The following MIPOL1 variants were observed in gnomAD, a reference collection of about 807,000 sequenced individuals.
The protein encoded by MIPOL1 is mirror-image polydactyly gene 1 protein.
MIPOL1 carries 57 observed loss-of-function variants against 60.9 expected under a neutral mutation model. The ratio of observed to expected loss-of-function variants is 0.94; its 90% CI spans 0.76 to 1.17. The LOEUF (loss-of-function observed/expected upper bound fraction) is 1.17, where lower values mean the gene tolerates loss of function less well. Ranked by LOEUF, MIPOL1 falls within the 50% of genes most tolerant of loss-of-function variation. The pLI is 0.00. For missense variants in MIPOL1, 551 were observed against 511.6 expected, an observed-to-expected ratio of 1.08 and a Z score of -0.74; for synonymous variants, 179 against 168.8, an observed-to-expected ratio of 1.06 and a Z score of -0.47.
chr14:37,264,247 AG>A (rs2082707345), intron 3 of MIPOL1, among the ~76,000 whole-genome samples: 1 of 152,138 alleles, frequency 6.6e-6, no homozygotes, highest in Non-Finnish European at 1.5e-5. Context: ...GCAAAATGCA[AG>A]ATGATAGAGC....
intron 9 of MIPOL1, among the ~76,000 whole-genome samples, chr14:37,343,776 C>T (rs1014719610): frequency 2.6e-5 from 4 of 152,120 alleles, no homozygotes; most frequent in East Asian, 1.9e-4. Context: ...AAGGAAATTG[C>T]AGATCATATA....
Position 37,464,128 on chromosome 14 carries a change from A to G in MIPOL1, c.1032-35780A>G, listed in dbSNP as rs1404945387. Among the ~76,000 whole-genome samples, 3 of 152,222 alleles carry G rather than the reference A, an allele frequency of 2.0e-5. No homozygotes were observed. The East Asian group carries it at 5.8e-4, about 29-fold the overall frequency. On this transcript the variant is annotated intron_variant, in intron 11 of 12. Coordinates refer to ENST00000684589, the MANE Select transcript of MIPOL1 (RefSeq NM_001388067.1). ...AACAAAGATGGTAGCAAAGATGTGG[A>G]GGAAAGGAACCACTATACACTTTTC...
intron 10 of MIPOL1, among the ~76,000 whole-genome samples, chr14:37,394,417 G>A (rs1025735804): frequency 2.6e-5 from 4 of 151,680 alleles, no homozygotes; most frequent in South Asian, 2.1e-4. Context: ...CATCCATACC[G>A]TCATCTACTG....
At chr14:37,474,981 T>A (rs901295619) in intron 11 of MIPOL1, among the ~76,000 whole-genome samples, 3 of 152,086 alleles carry the variant, frequency 2.0e-5, no homozygotes, top group Non-Finnish European at 2.9e-5. Flanking sequence ...TTTTATTTTT[T>A]TTTGAGACAG....
At chr14:37,299,667 G>C (rs2086191131) in intron 7 of MIPOL1, among the ~76,000 whole-genome samples, 1 of 152,150 alleles carries the variant, frequency 6.6e-6, no homozygotes, top group Non-Finnish European at 1.5e-5. Context: ...CATACAGATA[G>C]TTGCTGCATA....
chr14:37,247,741 G>A (rs1973406384), intron 2 of MIPOL1, 88 bp from the exon 3 acceptor site: 2 of 656,474 alleles, frequency 3.0e-6, no homozygotes, highest in Admixed American at 6.2e-5. Flanking sequence ...CATTTATCCT[G>A]TAAATTCTCT....
intron 11 of MIPOL1, among the ~76,000 whole-genome samples, chr14:37,448,884 C>G (rs2094377539): frequency 6.6e-6 from 1 of 152,190 alleles, no homozygotes. Context: ...TCAATATTTT[C>G]TAATGAACGT....
intron 12 of MIPOL1, among the ~76,000 whole-genome samples, chr14:37,512,811 T>C (rs1442896691): frequency 6.6e-6 from 1 of 152,160 alleles, no homozygotes; most frequent in Non-Finnish European, 1.5e-5. Context: ...TATAAATCAA[T>C]ATTTTATATA....
At position 37,226,169 on chromosome 14, in the gene MIPOL1, C is replaced by A. The variant is rs557493770; in HGVS notation, c.-198-20934C>A. Among the ~76,000 whole-genome samples the A allele has an allele frequency of 8.5e-5, 13 of 152,270 alleles. No homozygotes were observed. The East Asian group carries it at 1.4e-3, about 16-fold the overall frequency. On this transcript the variant is annotated intron_variant, in intron 1 of 12. Coordinates refer to ENST00000684589, the MANE Select transcript of MIPOL1 (RefSeq NM_001388067.1). Reference sequence around the variant, plus strand: ...CACATTTTCCTGTCTTCTTCTGACCCCTGCAAACTGTTCCAACCCCTGAGT... The same window carrying A: ...CACATTTTCCTGTCTTCTTCTGACCACTGCAAACTGTTCCAACCCCTGAGT...
intron 11 of MIPOL1, 112 bp from the exon 12 acceptor site, chr14:37,499,792 TTAAG>T (rs1286116775): frequency 4.0e-6 from 2 of 505,118 alleles, no homozygotes; most frequent in African/African-American, 1.9e-5. Flanking sequence ...ATTTGCTCAT[TTAAG>T]TATTTATTGA....
intron 9 of MIPOL1, among the ~76,000 whole-genome samples, chr14:37,357,485 A>T (rs2091928849): frequency 6.6e-6 from 1 of 151,984 alleles, no homozygotes; most frequent in Admixed American, 6.6e-5. Context: ...TGTAGTTTTG[A>T]TTTGCATTTC....
intron 3 of MIPOL1, among the ~76,000 whole-genome samples, chr14:37,253,765 C>T (rs1269275700): frequency 6.6e-6 from 1 of 151,482 alleles, no homozygotes; most frequent in African/African-American, 2.4e-5. Context: ...AAATGGTATG[C>T]TTATAGTTAG....
rs756005653 is a variant in MIPOL1 at position 37,270,462 on chromosome 14, C to CTAA, written c.431_433dup (p.Leu144_Lys145insIle). On this transcript the variant is annotated inframe_insertion, in exon 6 of 13. Coordinates refer to ENST00000684589, the MANE Select transcript of MIPOL1 (RefSeq NM_001388067.1). ...TAAAGAAGATAAAGAACAGAGAAAA[C>CTAA]TAAAGTTTAAGCTGGAACTCCAAGA... 6.0e-5 allele frequency: 96 copies of CTAA among 1,600,622 alleles called. No individual in the cohort carries two copies. The highest frequency in any genetic ancestry group is 7.6e-5 in the Non-Finnish European group (89 of 1,173,078).
intron 12 of MIPOL1, among the ~76,000 whole-genome samples, chr14:37,527,062 G>A (rs973840923): frequency 5.3e-5 from 8 of 151,948 alleles, no homozygotes; most frequent in African/African-American, 1.5e-4. Flanking sequence ...TTCTTTTTAT[G>A]TGAACTGCCT....
At chr14:37,542,620 C>T (rs867209345) in intron 12 of MIPOL1, among the ~76,000 whole-genome samples, 5 of 152,206 alleles carry the variant, frequency 3.3e-5, no homozygotes, top group Admixed American at 6.5e-5. Flanking sequence ...CCTTCTCATC[C>T]TTCAACACTT....
At chr14:37,333,449 C>T (rs1386445654) in intron 9 of MIPOL1, among the ~76,000 whole-genome samples, 1 of 151,990 alleles carries the variant, frequency 6.6e-6, no homozygotes, top group Admixed American at 6.6e-5. Context: ...AAGACAGATA[C>T]TGTGACATAT....
At chr14:37,508,896 T>G (rs141875692) in intron 12 of MIPOL1, among the ~76,000 whole-genome samples, 1 of 152,162 alleles carries the variant, frequency 6.6e-6, no homozygotes, top group Admixed American at 6.6e-5. Context: ...TTTATCCTAC[T>G]TGAACTCTCA....
rs1353238566 is a variant in MIPOL1, at chr14:37,198,057, G to C, written c.-246G>C. On this transcript the variant is annotated 5_prime_UTR_variant, in exon 1 of 13. Transcript: ENST00000684589. ...GCTGCGCACTCGGCCTGAGAAACTC[G>C]GCAAGCGCGCAGTGTCGACTCCCCG... The C allele has an allele frequency of 2.0e-5, 3 of 152,306 alleles. No homozygotes were observed. Among genetic ancestry groups the C allele is most frequent in the Non-Finnish European group, 2.9e-5 (2 of 68,124 alleles). 9.4% of individuals were successfully genotyped at this position (152,306 alleles called of 1,614,324 possible).
chr14:37,496,727 C>G (rs1043891094), intron 11 of MIPOL1, among the ~76,000 whole-genome samples: 10 of 151,952 alleles, frequency 6.6e-5, no homozygotes, highest in African/African-American at 2.4e-4. Flanking sequence ...CCATACTGCC[C>G]AAGGTAATTT....
Sources: gnomAD v4.1 joint callset for allele counts (sites outside exome capture counted in the v4.1 genomes callset) on GRCh38, gnomAD v4.1.1 for gene constraint, MANE v1.5 for transcripts, NCBI Gene and HGNC (gene_info 2026-07-23, HGNC 2026-07-21) for gene names.